CSMD1: variants seen among roughly 807,000 people sequenced by gnomAD.
CSMD1 encodes CUB and Sushi multiple domains 1.
Under a neutral mutation model 417.5 loss-of-function variants are expected in CSMD1, and 213 were observed. The observed-to-expected ratio is 0.51, with a 90% CI of 0.46 to 0.57. The LOEUF (loss-of-function observed/expected upper bound fraction) is 0.57, where lower values mean the gene tolerates loss of function less well. Among genes scored for constraint, CSMD1 ranks in the 20% least tolerant of loss-of-function variants. The pLI, the probability that CSMD1 is intolerant of heterozygous loss-of-function variation, is 0.00. For synonymous variants in CSMD1, 2,862 were observed against 1,736.8 expected (o/e 1.65, Z -16.11); for missense variants, 6,923 against 4,529.7 (o/e 1.53, Z -15.17).
At chr8:4,473,751 T>C (rs1319435120) in intron 2 of CSMD1, among the ~76,000 whole-genome samples, 1 of 152,200 alleles carries the variant, frequency 6.6e-6, no homozygotes, top group Non-Finnish European at 1.5e-5. Context: ...GTTAGTTTCT[T>C]TTCAACCAAA....
chr8:4,053,898 T>C (rs760427165), intron 3 of CSMD1, among the ~76,000 whole-genome samples: 1 of 152,314 alleles, frequency 6.6e-6, no homozygotes, highest in Middle Eastern at 3.4e-3. Context: ...TTATCATAAA[T>C]AATAATTAAG....
At chr8:3,130,583 G>A (rs1817741569) in intron 41 of CSMD1, among the ~76,000 whole-genome samples, 1 of 151,736 alleles carries the variant, frequency 6.6e-6, no homozygotes, top group East Asian at 1.9e-4. Context: ...CCTGACCCGG[G>A]GAAGCCCTCT....
At chr8:4,594,550 G>C (rs538183631) in intron 2 of CSMD1, among the ~76,000 whole-genome samples, 1 of 152,190 alleles carries the variant, frequency 6.6e-6, no homozygotes, top group South Asian at 2.1e-4. Flanking sequence ...TTGGGATTTA[G>C]GAATTTGATG....
intron 5 of CSMD1, among the ~76,000 whole-genome samples, chr8:3,804,640 C>T (rs1417724797): frequency 6.6e-6 from 1 of 151,912 alleles, no homozygotes; most frequent in South Asian, 2.1e-4. Context: ...ATAAAATGCA[C>T]ACATAATTCA....
chr8:4,596,116 A>G (rs1057384250), intron 2 of CSMD1, among the ~76,000 whole-genome samples: 1 of 152,136 alleles, frequency 6.6e-6, no homozygotes, highest in Non-Finnish European at 1.5e-5. Flanking sequence ...TGTAATAATG[A>G]ATGTAGTTCC....
intron 1 of CSMD1, among the ~76,000 whole-genome samples, chr8:4,873,216 G>A (rs1802837336): frequency 6.6e-6 from 1 of 152,006 alleles, no homozygotes; most frequent in Non-Finnish European, 1.5e-5. Flanking sequence ...TAATTATTGG[G>A]GTTTGGTGGT....
intron 5 of CSMD1, among the ~76,000 whole-genome samples, chr8:3,934,555 T>C (rs1810357747): frequency 6.6e-6 from 1 of 152,136 alleles, no homozygotes; most frequent in African/African-American, 2.4e-5. Context: ...AACTAAGGGT[T>C]AAACAATTGG....
At chr8:4,791,731 T>C (rs1181051689) in intron 1 of CSMD1, among the ~76,000 whole-genome samples, 1 of 152,186 alleles carries the variant, frequency 6.6e-6, no homozygotes, top group East Asian at 1.9e-4. Context: ...AAGTATTTTC[T>C]GACGAAGAAG....
chr8:3,493,363 T>A (rs889499705), intron 11 of CSMD1, among the ~76,000 whole-genome samples: 1 of 151,354 alleles, frequency 6.6e-6, no homozygotes, highest in African/African-American at 2.4e-5. Context: ...TGCTACCTCA[T>A]GAGTATACTA....
chr8:3,461,091 C>G (rs780808856), intron 12 of CSMD1, among the ~76,000 whole-genome samples: 2 of 152,196 alleles, frequency 1.3e-5, no homozygotes, highest in South Asian at 4.1e-4. Flanking sequence ...TGGGCCTCAC[C>G]GCAGACTCAG....
intron 26 of CSMD1, among the ~76,000 whole-genome samples, chr8:3,264,853 GCTGTGTGTGGGTGTGTGTGGC>G (rs1215480661): frequency 1.5e-5 from 2 of 133,986 alleles, no homozygotes; most frequent in East Asian, 2.2e-4. Context: ...GTGTGGGTGG[GCTGTGTGTGGGTGTGTGTGGC>G]CTGTGTGTGT....
chr8:4,958,352 T>C (rs1055842202), intron 1 of CSMD1, among the ~76,000 whole-genome samples: 1 of 152,280 alleles, frequency 6.6e-6, no homozygotes, highest in Admixed American at 6.5e-5. Flanking sequence ...AAGGTGAACA[T>C]GGTTGATCTT....
chr8:3,856,453 T>C (rs1171425543), intron 5 of CSMD1, among the ~76,000 whole-genome samples: 2 of 152,082 alleles, frequency 1.3e-5, no homozygotes, highest in African/African-American at 4.8e-5. Context: ...TACATACTAC[T>C]CCTAACATGC....
At position 3,616,714 on chromosome 8, in the gene CSMD1, A is replaced by C; in HGVS notation, c.1093T>G (p.Phe365Val). The C allele has an allele frequency of 2.5e-6, 4 of 1,604,566 alleles. No individual in the cohort carries two copies. The African/African-American group carries it at 5.3e-5, about 21-fold the overall frequency. ...PENGRRAGSD[F>V]RVGANVQFSC... ...CACCACTATTGTATCTCTTACCTGAAGTCGGAACCTGCTCTTCTACCATTT... is the reference window on the plus strand; with the variant it reads ...CACCACTATTGTATCTCTTACCTGACGTCGGAACCTGCTCTTCTACCATTT... The change falls in exon 8 of 70, where the codon TTC becomes GTC. Residue 365 changes from phenylalanine to valine, a missense_variant. Coordinates refer to ENST00000635120, the MANE Select transcript of CSMD1 (RefSeq NM_033225.6).
At chr8:2,947,137 T>C (rs1802297978) in intron 68 of CSMD1, among the ~76,000 whole-genome samples, 1 of 152,234 alleles carries the variant, frequency 6.6e-6, no homozygotes. Context: ...ATCAGGTACA[T>C]AATTTTATGT....
At chr8:3,583,296 G>A (rs944820610) in intron 9 of CSMD1, among the ~76,000 whole-genome samples, 3 of 151,930 alleles carry the variant, frequency 2.0e-5, no homozygotes, top group Admixed American at 6.6e-5. Context: ...TGAAGCAAAT[G>A]TGGGCACAGC....
At chr8:3,770,582 C>G (rs957089424) in intron 5 of CSMD1, among the ~76,000 whole-genome samples, 1 of 151,964 alleles carries the variant, frequency 6.6e-6, no homozygotes, top group Non-Finnish European at 1.5e-5. Flanking sequence ...CATTAAGAGG[C>G]CTGTCGCACA....
chr8:3,973,085 T>C (rs1424060333), intron 5 of CSMD1, among the ~76,000 whole-genome samples: 2 of 152,226 alleles, frequency 1.3e-5, no homozygotes, highest in South Asian at 2.1e-4. Context: ...TTTTACAGAA[T>C]ACCTAATTTT....
intron 41 of CSMD1, among the ~76,000 whole-genome samples, chr8:3,140,666 A>C (rs907574903): frequency 6.6e-6 from 1 of 152,124 alleles, no homozygotes; most frequent in Non-Finnish European, 1.5e-5. Context: ...AGTAATAAAT[A>C]TCAAAGCCCT....
Sources: gnomAD v4.1 joint callset for allele counts (sites outside exome capture counted in the v4.1 genomes callset) on GRCh38, gnomAD v4.1.1 for gene constraint, MANE v1.5 for transcripts, NCBI Gene and HGNC (gene_info 2026-07-23, HGNC 2026-07-21) for gene names.